Variants in ADARB2 observed in about 807,000 individuals in gnomAD.
The protein encoded by ADARB2 is inactive double-stranded RNA-specific editase B2.
Under a neutral mutation model 62.2 loss-of-function variants are expected in ADARB2, and 25 were observed. The observed-to-expected ratio is 0.40, with a 90% CI of 0.29 to 0.56. The LOEUF (loss-of-function observed/expected upper bound fraction) is 0.56. ADARB2 is among the 20% of genes least tolerant of loss of function. The probability of loss-of-function intolerance (pLI) is 0.43; values close to 1 mark genes in which losing one functional copy is unlikely to be tolerated. For missense variants in ADARB2, 1,071 were observed against 1,077.4 expected (o/e 0.99, Z 0.08); for synonymous variants, 572 against 500.8 (o/e 1.14, Z -1.90).
intron 1 of ADARB2, among the ~76,000 whole-genome samples, chr10:1,566,063 C>CAAAA (rs376967105): frequency 4.7e-5 from 6 of 128,040 alleles, no homozygotes; most frequent in African/African-American, 1.8e-4. Flanking sequence ...CTCAGTCTAG[C>CAAAA]AAAAAAAAAA....
chr10:1,644,441 A>G (rs1834011739), intron 1 of ADARB2, among the ~76,000 whole-genome samples: 1 of 152,236 alleles, frequency 6.6e-6, no homozygotes, highest in Non-Finnish European at 1.5e-5. Context: ...TTGCTATCCA[A>G]GCTCGGTCGG....
chr10:1,633,072 G>C (rs1223377447), intron 1 of ADARB2, among the ~76,000 whole-genome samples: 2 of 152,124 alleles, frequency 1.3e-5, no homozygotes, highest in Non-Finnish European at 2.9e-5. Flanking sequence ...CCGTGCTCCT[G>C]CTTCCTCTCC....
At chr10:1,678,282 A>T (rs1311034914) in intron 1 of ADARB2, 3 of 984,914 alleles carry the variant, frequency 3.0e-6, no homozygotes, top group African/African-American at 1.8e-5. Flanking sequence ...CCTCGGGGTG[A>T]GCGTCCTCGG....
intron 2 of ADARB2, among the ~76,000 whole-genome samples, chr10:1,364,834 A>C (rs1832298531): frequency 6.6e-6 from 1 of 150,574 alleles, no homozygotes; most frequent in Non-Finnish European, 1.5e-5. Context: ...ATCCCACACC[A>C]TGCGCTCACC....
At chr10:1,612,421 T>C (rs1004431258) in intron 1 of ADARB2, among the ~76,000 whole-genome samples, 1 of 152,222 alleles carries the variant, frequency 6.6e-6, no homozygotes, top group Non-Finnish European at 1.5e-5. Context: ...GGGTCAAGCC[T>C]ATTAGAAAGC....
At chr10:1,447,846 T>C (rs535805884) in intron 1 of ADARB2, among the ~76,000 whole-genome samples, 1 of 152,354 alleles carries the variant, frequency 6.6e-6, no homozygotes, top group East Asian at 1.9e-4. Context: ...TTTCTGTTGC[T>C]GTGTTAGTTT....
At chr10:1,268,759 C>T (rs2131797517) in intron 4 of ADARB2, among the ~76,000 whole-genome samples, 1 of 152,314 alleles carries the variant, frequency 6.6e-6, no homozygotes, top group Non-Finnish European at 1.5e-5. Flanking sequence ...TATTCTTCAG[C>T]ATTCAGAAGT....
chr10:1,232,927 G>A (rs1390785001), intron 6 of ADARB2, among the ~76,000 whole-genome samples: 1 of 151,700 alleles, frequency 6.6e-6, no homozygotes, highest in Non-Finnish European at 1.5e-5. Context: ...TATATGTGGT[G>A]TGTGTGTGGT....
At chr10:1,681,178 C>T (rs1355056452) in intron 1 of ADARB2, among the ~76,000 whole-genome samples, 1 of 152,342 alleles carries the variant, frequency 6.6e-6, no homozygotes. Context: ...CCTGCAGACA[C>T]ACCTCCAACT....
chr10:1,498,808 A>C (rs1399724182), intron 1 of ADARB2, among the ~76,000 whole-genome samples: 3 of 152,232 alleles, frequency 2.0e-5, no homozygotes, highest in Non-Finnish European at 4.4e-5. Context: ...CTTACTCATC[A>C]TTCATTCATT....
At chr10:1,680,223 T>C (rs1262668110) in intron 1 of ADARB2, among the ~76,000 whole-genome samples, 1 of 152,076 alleles carries the variant, frequency 6.6e-6, no homozygotes, top group African/African-American at 2.4e-5. Flanking sequence ...CCCTACCTAT[T>C]CTTTCCTGTG....
chr10:1,410,192 G>C (rs1213860203), intron 1 of ADARB2, among the ~76,000 whole-genome samples: 2 of 149,036 alleles, frequency 1.3e-5, no homozygotes, highest in Non-Finnish European at 3.0e-5. Context: ...CGTGGTCATG[G>C]GGAAGGATTC....
chr10:1,691,523 A>T (rs1181320130), intron 1 of ADARB2, among the ~76,000 whole-genome samples: 2 of 152,200 alleles, frequency 1.3e-5, no homozygotes, highest in East Asian at 3.9e-4. Context: ...ACACTCCATG[A>T]CATGCACAGC....
intron 1 of ADARB2, among the ~76,000 whole-genome samples, chr10:1,482,573 A>G (rs897873751): frequency 3.3e-5 from 5 of 152,188 alleles, no homozygotes; most frequent in African/African-American, 1.2e-4. Context: ...GGAAGATGAA[A>G]TGGTTCTATG....
At chr10:1,406,379 G>A (rs941848540) in intron 1 of ADARB2, among the ~76,000 whole-genome samples, 17 of 152,206 alleles carry the variant, frequency 1.1e-4, no homozygotes, top group South Asian at 2.1e-4. Context: ...CTCTAAAGCC[G>A]TGTGGGCTCG....
At chr10:1,362,384 C>T (rs1446377963) in intron 3 of ADARB2, among the ~76,000 whole-genome samples, 1 of 152,222 alleles carries the variant, frequency 6.6e-6, no homozygotes, top group Non-Finnish European at 1.5e-5. Context: ...CAGTTCTTTG[C>T]TCAAGGCGCC....
intron 1 of ADARB2, among the ~76,000 whole-genome samples, chr10:1,657,143 G>A (rs907521037): frequency 1.3e-5 from 2 of 152,036 alleles, no homozygotes; most frequent in East Asian, 1.9e-4. Context: ...CTTGTGAAAA[G>A]TTCGAAAAGA....
At chr10:1,651,073 C>G (rs964037484) in intron 1 of ADARB2, among the ~76,000 whole-genome samples, 2 of 152,228 alleles carry the variant, frequency 1.3e-5, no homozygotes, top group African/African-American at 4.8e-5. Context: ...CCTCGTGAGA[C>G]AGACGGCCCG....
rs148854566 is a variant in ADARB2 at position 1,364,129 on chromosome 10, G to A, written c.188-212C>T. Among the ~76,000 whole-genome samples the A allele has an allele frequency of 7.8e-3, 1,189 of 152,346 alleles. 5 individuals carry two copies. The highest frequency in any genetic ancestry group is 0.013 in the African/African-American group (561 of 41,576). On this transcript the variant is annotated intron_variant, in intron 2 of 9. Coordinates refer to ENST00000381312, the MANE Select transcript of ADARB2 (RefSeq NM_018702.4). ...TAGCGTCCTTGGTCCCTTGCTGAGGGCCTGTGGCTAGGAGCTGTCGTCTTC... is the reference window on the plus strand; with the variant it reads ...TAGCGTCCTTGGTCCCTTGCTGAGGACCTGTGGCTAGGAGCTGTCGTCTTC...
Sources: allele counts gnomAD v4.1 joint callset (sites outside exome capture counted in the v4.1 genomes callset), GRCh38; gene constraint gnomAD v4.1.1; transcripts MANE v1.5; gene names NCBI Gene and HGNC (gene_info 2026-07-23, HGNC 2026-07-21).